The following SARM1 variants were observed in gnomAD, a reference collection of about 807,000 sequenced individuals.
SARM1 encodes the protein sterile alpha and TIR motif containing 1.
SARM1 carries 60 observed loss-of-function variants against 65.1 expected under a neutral mutation model. That is an observed-to-expected ratio of 0.92 (90% CI 0.75 to 1.14). The LOEUF is 1.14. Among genes scored for constraint, SARM1 ranks in the 50% most tolerant of loss-of-function variants. The pLI, the probability that SARM1 is intolerant of heterozygous loss-of-function variation, is 0.00. For synonymous variants in SARM1, 417 were observed against 465.4 expected (o/e 0.90, Z 1.34); for missense variants, 913 against 1,015.7 (o/e 0.90, Z 1.37).
In SARM1 at chr17:28,399,538, G is replaced by C; in HGVS notation, c.*3252G>C. ...CTCTTGACTACCTCGTCCAAAGAGA[G>C]CACTGCCCTTAGACAAGAGTTGCTT... is the stretch of plus-strand genomic sequence containing the variant. On this transcript the variant is annotated 3_prime_UTR_variant, in exon 9 of 9. Transcript: ENST00000585482. 9.9e-7 allele frequency: 1 copy of C among 1,011,190 alleles called. No individual in the cohort carries two copies. Among genetic ancestry groups the C allele is most frequent in the Non-Finnish European group, 1.5e-6 (1 of 659,112 alleles). 62.6% of individuals were successfully genotyped at this position (1,011,190 alleles called of 1,614,324 possible). A position where few individuals can be genotyped will look rare whatever the true frequency, so the allele number is the denominator to read the frequency against.
chr17:28,389,558 C>G (rs540243690), intron 7 of SARM1, among the ~76,000 whole-genome samples: 1 of 152,160 alleles, frequency 6.6e-6, no homozygotes, highest in African/African-American at 2.4e-5. Context: ...ATCTAAGAGA[C>G]AGGATGAGAC....
At position 28,372,107 on chromosome 17, in the gene SARM1, C is replaced by G. The variant is rs1555584111; in HGVS notation, c.75C>G (p.Ala25=). 2 of 1,477,652 alleles carry G rather than the reference C, an allele frequency of 1.4e-6. No individual in the cohort carries two copies. Among genetic ancestry groups the G allele is most frequent in the Non-Finnish European group, 1.8e-6 (2 of 1,120,818 alleles). 91.5% of individuals were successfully genotyped at this position (1,477,652 alleles called of 1,614,324 possible). A position where few individuals can be genotyped will look rare whatever the true frequency, so the allele number is the denominator to read the frequency against. The change falls in exon 1 of 9, where the codon GCC becomes GCG. Residue 25 remains alanine, a synonymous_variant. Coordinates refer to ENST00000585482, the MANE Select transcript of SARM1 (RefSeq NM_015077.4). The surrounding 1 kb of genome is among the most constrained non-coding windows in gnomAD (Gnocchi z 5.2). ...CCATGTCGGGCCCACGGCCGGGCGC[C>G]GAGCGGCTGGCGGTGCCTGGGCCAG... ...FFAMSGPRPG[A]ERLAVPGPDG...
chr17:28,385,252 C>T lies in SARM1; in HGVS notation c.1607C>T (p.Ala536Val). Residue 536 changes from alanine to valine, a missense_variant, in exon 5 of 9, where the codon GCC (alanine) becomes GTC (valine). Transcript: ENST00000585482. The surrounding 1 kb of genome is among the most constrained non-coding windows in gnomAD (Gnocchi z 4.5). ...GGCATCCACCTGGGCGTGCACCGCGCCCGCATCCTCACGGCGGCCAGAGGT... is the reference window on the plus strand; with the variant it reads ...GGCATCCACCTGGGCGTGCACCGCGTCCGCATCCTCACGGCGGCCAGAGGT... Reference protein sequence around the residue: ...DCGIHLGVHRARILTAAREML... With the variant: ...DCGIHLGVHRVRILTAAREML... The T allele has an allele frequency of 1.3e-6, 2 of 1,569,014 alleles. No individual in the cohort carries two copies. The highest frequency in any genetic ancestry group is 1.1e-5 in the South Asian group (1 of 87,006).
rs2068187350 is a variant in SARM1 at position 28,400,755 on chromosome 17, A to G, written c.*4469A>G. 6.4e-7 allele frequency: 1 copy of G among 1,574,146 alleles called. No homozygotes were observed. Among genetic ancestry groups the G allele is most frequent in the Non-Finnish European group, 8.6e-7 (1 of 1,159,548 alleles). On this transcript the variant is annotated 3_prime_UTR_variant, in exon 9 of 9. Transcript: ENST00000585482. ...AGGCTATTCACACAGGCCACAGCAG[A>G]AAAGAGAGCACCTGTGAAGAAATAA...
intron 7 of SARM1, among the ~76,000 whole-genome samples, chr17:28,392,561 C>T (rs2068086000): frequency 6.6e-6 from 1 of 152,176 alleles, no homozygotes; most frequent in African/African-American, 2.4e-5. Flanking sequence ...CAATGCTCAG[C>T]AGAAAGGCAG....
In SARM1 at chr17:28,384,846, A is replaced by G; in HGVS notation, c.1310A>G (p.Gln437Arg). Residue 437 changes from glutamine (Q) to arginine (R), a missense_variant, in exon 4 of 9, where the codon CAG (glutamine) becomes CGG (arginine). Coordinates refer to ENST00000585482, the MANE Select transcript of SARM1 (RefSeq NM_015077.4). This position sits in a 1 kb window ranked among gnomAD's most constrained non-coding sequence, Gnocchi z 4.4. ...ACCCGACTCCTCCCCCAGGAGCAGC[A>G]GGTGGATGGCGACCTGCTTCTGCGG... ...SKYCESFREQ[Q>R]VDGDLLLRLT... 1 of 1,553,486 alleles carries G rather than the reference A, an allele frequency of 6.4e-7. No individual in the cohort carries two copies. Among genetic ancestry groups the G allele is most frequent in the Non-Finnish European group, 8.7e-7 (1 of 1,148,024 alleles).
chr17:28,372,334 A>G lies in SARM1; in HGVS notation c.302A>G (p.Glu101Gly). Residue 101 changes from glutamate (E) to glycine (G), a missense_variant, in exon 1 of 9, where the codon GAG becomes GGG. Coordinates refer to ENST00000585482, the MANE Select transcript of SARM1 (RefSeq NM_015077.4). This position sits in a 1 kb window ranked among gnomAD's most constrained non-coding sequence, Gnocchi z 5.2. Reference protein sequence around the residue: ...GLAEVFQLVEEAWLLPAVGRE... With the variant: ...GLAEVFQLVEGAWLLPAVGRE... ...GCCGAGGTCTTCCAACTGGTGGAGG[A>G]GGCCTGGCTGCTGCCGGCCGTGGGC... 1 of 1,483,678 alleles carries G rather than the reference A, an allele frequency of 6.7e-7. No homozygotes were observed. Among genetic ancestry groups the G allele is most frequent in the Admixed American group, 2.3e-5 (1 of 44,424 alleles). The allele number at this position is 1,483,678 out of a possible 1,614,324, so 91.9% of individuals were successfully genotyped here.
chr17:28,402,600 T>C lies in SARM1; in HGVS notation c.*6314T>C, dbSNP rs1257142209. 1 of 316,314 alleles carries C rather than the reference T, an allele frequency of 3.2e-6. No individual in the cohort carries two copies. Among genetic ancestry groups the C allele is most frequent in the Non-Finnish European group, 6.1e-6 (1 of 163,682 alleles). The allele number at this position is 316,314 out of a possible 1,614,324, so 19.6% of individuals were successfully genotyped here. A position where few individuals can be genotyped will look rare whatever the true frequency, so the allele number is the denominator to read the frequency against. On this transcript the variant is annotated 3_prime_UTR_variant, in exon 9 of 9. Coordinates refer to ENST00000585482, the MANE Select transcript of SARM1 (RefSeq NM_015077.4). ...GTCACAGCAGGCATCACCCACCCAC[T>C]TGGCACTTAGTAGGGATATGGCAGG...
In SARM1 at chr17:28,395,974, C is replaced by A; in HGVS notation, c.1993C>A (p.Pro665Thr). ...CATTGATGGCTTCGAGTGGCCTGAG[C>A]CCCAGGTCCTGCCTGAGGACATGCA... ...PIIDGFEWPEPQVLPEDMQAV... is the reference protein window; with the variant it reads ...PIIDGFEWPETQVLPEDMQAV... The change falls in exon 8 of 9, where the codon CCC becomes ACC. Residue 665 changes from proline (P) to threonine (T), a missense_variant. Around this residue, in one of 3 missense-constraint regions of SARM1, gnomAD observed 862 missense variants for 952.1 expected, o/e 0.91. Coordinates refer to ENST00000585482, the MANE Select transcript of SARM1 (RefSeq NM_015077.4). The A allele has an allele frequency of 6.2e-7, 1 of 1,613,972 alleles. No homozygotes were observed. The highest frequency in any genetic ancestry group is 8.5e-7 in the Non-Finnish European group (1 of 1,179,884).
chr17:28,399,503 G>T lies in SARM1; in HGVS notation c.*3217G>T, dbSNP rs2142451521. On this transcript the variant is annotated 3_prime_UTR_variant, in exon 9 of 9. Coordinates refer to ENST00000585482, the MANE Select transcript of SARM1 (RefSeq NM_015077.4). ...CTGGGTCAGCTGTGGATGGGGTGGT[G>T]CCTTGGTCTCTCTTGACTACCTCGT... is the stretch of plus-strand genomic sequence containing the variant. 1.4e-6 allele frequency: 1 copy of T among 714,550 alleles called. No homozygotes were observed. The allele number at this position is 714,550 out of a possible 1,614,324, so 44.3% of individuals were successfully genotyped here. A position where few individuals can be genotyped will look rare whatever the true frequency, so the allele number is the denominator to read the frequency against.
At chr17:28,382,475 C>G (rs977209887) in intron 2 of SARM1, among the ~76,000 whole-genome samples, 1 of 152,026 alleles carries the variant, frequency 6.6e-6, no homozygotes, top group Non-Finnish European at 1.5e-5. Flanking sequence ...CGGCTTGGGA[C>G]AGGACATCAG....
In SARM1 at chr17:28,399,622, C is replaced by T. The variant is rs1555589050; in HGVS notation, c.*3336C>T. The T allele has an allele frequency of 2.5e-6, 4 of 1,612,666 alleles. No individual in the cohort carries two copies. Among genetic ancestry groups the T allele is most frequent in the South Asian group, 1.1e-5 (1 of 90,986 alleles). Reference sequence around the variant, plus strand: ...CTCCAGTTGCTTGGTGTTCACTTTGCTCCTCTTGCCCTCTGTCTTCTGGTC... The same window carrying T: ...CTCCAGTTGCTTGGTGTTCACTTTGTTCCTCTTGCCCTCTGTCTTCTGGTC... On this transcript the variant is annotated 3_prime_UTR_variant, in exon 9 of 9. Coordinates refer to ENST00000585482, the MANE Select transcript of SARM1 (RefSeq NM_015077.4).
chr17:28,378,690 C>T (rs1555584859), intron 1 of SARM1, among the ~76,000 whole-genome samples: 1 of 151,930 alleles, frequency 6.6e-6, no homozygotes, highest in African/African-American at 2.4e-5. Context: ...CAGGGTCTTG[C>T]TCTGATGCCC....
chr17:28,392,195 T>TC (rs1555586996), intron 7 of SARM1, among the ~76,000 whole-genome samples: 1 of 151,786 alleles, frequency 6.6e-6, no homozygotes, highest in African/African-American at 2.4e-5. Flanking sequence ...CACTGCAACC[T>TC]CCGCCTCCCG....
In SARM1 at chr17:28,384,880, G is replaced by A. The variant is rs1555585743; in HGVS notation, c.1344G>A (p.Glu448=). 6.4e-7 allele frequency: 1 copy of A among 1,559,664 alleles called. No homozygotes were observed. Among genetic ancestry groups the A allele is most frequent in the South Asian group, 1.2e-5 (1 of 84,588 alleles). Residue 448 remains glutamate (E), a synonymous_variant, in exon 4 of 9, where the codon GAG becomes GAA. Coordinates refer to ENST00000585482, the MANE Select transcript of SARM1 (RefSeq NM_015077.4). This position sits in a 1 kb window ranked among gnomAD's most constrained non-coding sequence, Gnocchi z 4.4. The part of the protein sequence containing the change: ...VDGDLLLRLT[E]EELQTDLGMK... Reference sequence around the variant, plus strand: ...GCGACCTGCTTCTGCGGCTCACGGAGGAGGAACTCCAGACCGACCTGGGCA... The same window carrying A: ...GCGACCTGCTTCTGCGGCTCACGGAAGAGGAACTCCAGACCGACCTGGGCA...
In SARM1 at chr17:28,402,254, C is replaced by T; in HGVS notation, c.*5968C>T. The T allele has an allele frequency of 6.2e-7, 1 of 1,613,362 alleles. No homozygotes were observed. Among genetic ancestry groups the T allele is most frequent in the African/African-American group, 1.3e-5 (1 of 75,048 alleles). On this transcript the variant is annotated 3_prime_UTR_variant, in exon 9 of 9. Transcript: ENST00000585482. Reference sequence around the variant, plus strand: ...GACACTCACCCTGCTCTGTCTCTCTCACCAGCTTGGAGAGTTTAGCCCGGA... The same window carrying T: ...GACACTCACCCTGCTCTGTCTCTCTTACCAGCTTGGAGAGTTTAGCCCGGA...
intron 5 of SARM1, among the ~76,000 whole-genome samples, chr17:28,387,100 T>G (rs1407261778): frequency 6.6e-6 from 1 of 152,132 alleles, no homozygotes; most frequent in Non-Finnish European, 1.5e-5. Flanking sequence ...AAAAAATAGT[T>G]TGTATAGTGA....
At chr17:28,394,520 G>A (rs1339782197) in intron 7 of SARM1, among the ~76,000 whole-genome samples, 3 of 152,166 alleles carry the variant, frequency 2.0e-5, no homozygotes, top group Non-Finnish European at 4.4e-5. Flanking sequence ...ATTCTGAAAT[G>A]TCAGTCACGA....
intron 5 of SARM1, among the ~76,000 whole-genome samples, chr17:28,386,889 A>C (rs1425957885): frequency 5.3e-5 from 8 of 152,056 alleles, no homozygotes; most frequent in African/African-American, 1.9e-4. Context: ...CAGGTGCGCA[A>C]CACCACACCC....
Sources: allele counts gnomAD v4.1 joint callset (sites outside exome capture counted in the v4.1 genomes callset), GRCh38; gene constraint gnomAD v4.1.1; regional missense constraint gnomAD v4.1.1; non-coding constraint Gnocchi (gnomAD v3.1); transcripts MANE v1.5; gene names NCBI Gene and HGNC (gene_info 2026-07-23, HGNC 2026-07-21).